The following PGM5 variants were observed in gnomAD, a reference collection of about 807,000 sequenced individuals.
PGM5 encodes phosphoglucomutase 5, also known as phosphoglucomutase-like protein 5.
Under a neutral mutation model 59.2 loss-of-function variants are expected in PGM5, and 23 were observed. The ratio of observed to expected loss-of-function variants is 0.39; its 90% CI spans 0.28 to 0.55. PGM5 has a LOEUF of 0.55. Among genes scored for constraint, PGM5 ranks in the 20% least tolerant of loss-of-function variants. The pLI is 0.66. For synonymous variants in PGM5, 214 were observed against 286.0 expected, an observed-to-expected ratio of 0.75 and a Z score of 2.54; for missense variants, 574 against 748.3, an observed-to-expected ratio of 0.77 and a Z score of 2.72.
rs541161064 is a variant in PGM5 at position 68,487,388 on chromosome 9, T to C, written c.1479+3340T>C. 3.3e-5 allele frequency among the ~76,000 whole-genome samples: 5 copies of C among 151,758 alleles called. 1 individual carries two copies. In the East Asian group the frequency reaches 7.7e-4, roughly 24 times the overall value. Reference sequence around the variant, plus strand: ...AGTTCCCTCCCCTTGACCAGAATCCTTAATTTGATTGAATATCAGTTCAAG... The same window carrying C: ...AGTTCCCTCCCCTTGACCAGAATCCCTAATTTGATTGAATATCAGTTCAAG... On this transcript the variant is annotated intron_variant, in intron 9 of 10. Coordinates refer to ENST00000396396, the MANE Select transcript of PGM5 (RefSeq NM_021965.4).
At chr9:68,407,137 G>T (rs185476502) in intron 6 of PGM5, among the ~76,000 whole-genome samples, 1 of 151,846 alleles carries the variant, frequency 6.6e-6, no homozygotes, top group Non-Finnish European at 1.5e-5. Flanking sequence ...ATAGACGTAC[G>T]TTTTTTTGGG....
At chr9:68,403,405 C>T (rs1554680839) in intron 6 of PGM5, among the ~76,000 whole-genome samples, 3 of 152,102 alleles carry the variant, frequency 2.0e-5, no homozygotes, top group African/African-American at 4.8e-5. Flanking sequence ...ATAAAGTGCA[C>T]AATAAATGGA....
chr9:68,399,684 C>T (rs28422790), intron 6 of PGM5, among the ~76,000 whole-genome samples: 48,052 of 151,260 alleles, frequency 0.32, 7,708 homozygotes, highest in Middle Eastern at 0.39. Flanking sequence ...GATGAATTTG[C>T]GGAAGTTCCT....
intron 6 of PGM5, among the ~76,000 whole-genome samples, chr9:68,452,315 A>G (rs1554684399): frequency 6.6e-6 from 1 of 152,068 alleles, no homozygotes; most frequent in Non-Finnish European, 1.5e-5. Context: ...TCTTAGTAGG[A>G]AGTTTCTCCT....
intron 6 of PGM5, among the ~76,000 whole-genome samples, chr9:68,450,684 AT>A (rs1407021817): frequency 2.0e-5 from 3 of 152,314 alleles, no homozygotes; most frequent in African/African-American, 7.2e-5. Flanking sequence ...CCACTGTCAT[AT>A]TTCATCCAGC....
In PGM5 at chr9:68,384,478, C is replaced by T. The variant is rs201509737; in HGVS notation, c.505C>T (p.Arg169Ter). 2.2e-5 allele frequency: 35 copies of T among 1,609,236 alleles called. No individual in the cohort carries two copies. Among genetic ancestry groups the T allele is most frequent in the Middle Eastern group, 1.7e-4 (1 of 6,052 alleles). The change falls in exon 3 of 11, where the codon CGA becomes TGA. Residue 169 changes from arginine (R) to a stop codon, truncating the protein, a stop_gained. Coordinates refer to ENST00000396396, the MANE Select transcript of PGM5 (RefSeq NM_021965.4). LOFTEE classifies it high-confidence loss of function. ...IEEYAICPDL[R>*]IDLSRLGRQE... is the part of the protein sequence containing the mutation. ...GGAATATGCTATATGTCCTGATCTC[C>T]GAATCGACCTATCTCGACTAGGAAG...
intron 1 of PGM5, among the ~76,000 whole-genome samples, chr9:68,364,241 A>T (rs1323193510): frequency 6.6e-6 from 1 of 151,956 alleles, no homozygotes; most frequent in Middle Eastern, 3.2e-3. Flanking sequence ...TCCTCCAGAT[A>T]GATGTTTGTG....
intron 10 of PGM5, among the ~76,000 whole-genome samples, chr9:68,518,946 G>A (rs1214864163): frequency 6.6e-6 from 1 of 152,166 alleles, no homozygotes; most frequent in African/African-American, 2.4e-5. Context: ...AGAAAGCCAA[G>A]CAGGATATAT....
At position 68,505,811 on chromosome 9, in the gene PGM5, C is replaced by T. The variant is rs574524166; in HGVS notation, c.1614+6450C>T. ...GGTTGATTAAATCATTGGCCCTTGG[C>T]GGTTGGATTTGGTCTCCAGCCCTGC... On this transcript the variant is annotated intron_variant, in intron 10 of 10. Transcript: ENST00000396396. Among the ~76,000 whole-genome samples, 9 of 152,246 alleles carry T rather than the reference C, an allele frequency of 5.9e-5. No individual in the cohort carries two copies. The East Asian group carries it at 1.7e-3, about 29-fold the overall frequency.
At chr9:68,501,386 G>T (rs941084225) in intron 10 of PGM5, among the ~76,000 whole-genome samples, 1 of 152,164 alleles carries the variant, frequency 6.6e-6, no homozygotes, top group Non-Finnish European at 1.5e-5. Flanking sequence ...CCACCTAGGG[G>T]AAAGCAAGAA....
Position 68,530,212 on chromosome 9 carries a change from A to C in PGM5, c.*556A>C, listed in dbSNP as rs903557613. ...CCGATGGCCCTGCCTCCCCCATCCC[A>C]TCCCCAACATCCCTGTACCACCTTC... is the stretch of plus-strand genomic sequence containing the variant. On this transcript the variant is annotated 3_prime_UTR_variant, in exon 11 of 11. Transcript: ENST00000396396. 1 of 152,476 alleles carries C rather than the reference A, an allele frequency of 6.6e-6. No individual in the cohort carries two copies. Among genetic ancestry groups the C allele is most frequent in the Non-Finnish European group, 1.5e-5 (1 of 68,308 alleles). 9.4% of individuals were successfully genotyped at this position (152,476 alleles called of 1,614,324 possible). A position where few individuals can be genotyped will look rare whatever the true frequency, so the allele number is the denominator to read the frequency against.
chr9:68,496,912 T>C (rs1764893192), intron 9 of PGM5: 1 of 152,222 alleles, frequency 6.6e-6, no homozygotes. Context: ...ACCTCATCCT[T>C]AGATATTGCT....
At chr9:68,488,465 G>T (rs1824334101) in intron 9 of PGM5, among the ~76,000 whole-genome samples, 1 of 152,188 alleles carries the variant, frequency 6.6e-6, no homozygotes, top group Admixed American at 6.5e-5. Context: ...TGCCAACCCT[G>T]CTGCTGTGGA....
chr9:68,472,625 T>C (rs1295421899), intron 7 of PGM5, among the ~76,000 whole-genome samples: 3 of 152,310 alleles, frequency 2.0e-5, no homozygotes, highest in Middle Eastern at 3.4e-3. Flanking sequence ...CCTGATGAAT[T>C]ATATGCACTA....
At chr9:68,378,648 G>C (rs1254273230) in intron 2 of PGM5, among the ~76,000 whole-genome samples, 1 of 152,098 alleles carries the variant, frequency 6.6e-6, no homozygotes, top group Non-Finnish European at 1.5e-5. Context: ...TACCCTGAAG[G>C]TCGTTGTCTA....
At chr9:68,458,790 C>T (rs1289287025) in intron 6 of PGM5, among the ~76,000 whole-genome samples, 2 of 152,054 alleles carry the variant, frequency 1.3e-5, no homozygotes, top group East Asian at 3.9e-4. Context: ...TTTATTAATA[C>T]CTGAAAGTGT....
chr9:68,357,452 C>G, intron 1 of PGM5, 64 bp downstream of exon 1: 1 of 1,526,070 alleles, frequency 6.6e-7, no homozygotes, highest in East Asian at 2.5e-5. Flanking sequence ...TAGCCCTTGT[C>G]CCCCTGCTGC....
At chr9:68,482,747 T>A (rs1223751767) in intron 8 of PGM5, among the ~76,000 whole-genome samples, 1 of 152,222 alleles carries the variant, frequency 6.6e-6, no homozygotes, top group East Asian at 1.9e-4. Flanking sequence ...GCCAAGACCA[T>A]CTGACATTGT....
At position 68,384,488 on chromosome 9, in the gene PGM5, T is replaced by G. The variant is rs1554678668; in HGVS notation, c.515T>G (p.Leu172Arg). The change falls in exon 3 of 11, where the codon CTA becomes CGA. Residue 172 changes from leucine to arginine, a missense_variant. By Grantham distance (102) the Leu-to-Arg change is moderately radical (BLOSUM62 -2). Coordinates refer to ENST00000396396, the MANE Select transcript of PGM5 (RefSeq NM_021965.4). ...YAICPDLRID[L>R]SRLGRQEFDL... The stretch of plus-strand genomic sequence containing the variant: ...ATATGTCCTGATCTCCGAATCGACC[T>G]ATCTCGACTAGGAAGACAAGAATTT... 4 of 1,610,062 alleles carry G rather than the reference T, an allele frequency of 2.5e-6. No individual in the cohort carries two copies. The South Asian group carries it at 4.4e-5, about 18-fold the overall frequency.
Sources: gnomAD v4.1 joint callset for allele counts (sites outside exome capture counted in the v4.1 genomes callset) on GRCh38, gnomAD v4.1.1 for gene constraint, MANE v1.5 for transcripts, NCBI Gene and HGNC (gene_info 2026-07-23, HGNC 2026-07-21) for gene names.